SSMEM1: variants seen among roughly 807,000 people sequenced by gnomAD.
SSMEM1 encodes serine rich single-pass membrane protein 1.
A neutral mutation model predicts 9.9 loss-of-function variants in SSMEM1; 12 were observed. That is an observed-to-expected ratio of 1.21 (90% CI 0.78 to 1.96). The LOEUF (loss-of-function observed/expected upper bound fraction) is 1.96, where lower values mean the gene tolerates loss of function less well. Among genes scored for constraint, SSMEM1 ranks in the 30% most tolerant of loss-of-function variants. The pLI is 0.00. For synonymous variants in SSMEM1, 96 were observed against 98.9 expected, an observed-to-expected ratio of 0.97 and a Z score of 0.17; for missense variants, 259 against 292.2, an observed-to-expected ratio of 0.89 and a Z score of 0.83.
At chr7:130,206,967 CAG>C (rs1798492025), upstream of SSMEM1, 1 of 159,252 alleles carries the variant, frequency 6.3e-6, no homozygotes, top group Admixed American at 7.1e-5. Context: ...GTCTGGGCGA[CAG>C]AGTGAGACCC....
At position 130,216,371 on chromosome 7, in the gene SSMEM1, C is replaced by G. The variant is rs200313957; in HGVS notation, c.636C>G (p.His212Gln). The change falls in exon 3 of 3, where the codon CAC becomes CAG. Residue 212 changes from histidine to glutamine, a missense_variant. His to Gln is a conservative substitution (Grantham distance 24, BLOSUM62 0). Transcript: ENST00000297819. ...KALRTNEWLA[H>Q]HSRQKPSVTP... The stretch of plus-strand genomic sequence containing the variant: ...TGAGAACCAACGAATGGTTGGCGCA[C>G]CATTCCCGACAGAAGCCTTCAGTAA... The G allele has an allele frequency of 6.2e-6, 10 of 1,614,094 alleles. No homozygotes were observed. The highest frequency in any genetic ancestry group is 8.5e-6 in the Non-Finnish European group (10 of 1,180,054).
upstream of SSMEM1, among the ~76,000 whole-genome samples, chr7:130,205,832 C>G (rs758691909): frequency 6.7e-6 from 1 of 149,164 alleles, no homozygotes; most frequent in Non-Finnish European, 1.5e-5. Context: ...GTCAAGAGTC[C>G]TGACCCCATG....
Position 130,207,870 on chromosome 7 carries a change from A to G in SSMEM1, c.-41A>G. 1 of 1,604,464 alleles carries G rather than the reference A, an allele frequency of 6.2e-7. No homozygotes were observed. Among genetic ancestry groups the G allele is most frequent in the Non-Finnish European group, 8.5e-7 (1 of 1,172,684 alleles). Reference sequence around the variant, plus strand: ...AGTGAAGTAGTTCCCAGTCATCTTTATCCCTTTAAGCATGGTTTATTTTCT... The same window carrying G: ...AGTGAAGTAGTTCCCAGTCATCTTTGTCCCTTTAAGCATGGTTTATTTTCT... On this transcript the variant is annotated 5_prime_UTR_variant, in exon 1 of 3. Transcript: ENST00000297819.
intron 1 of SSMEM1, 108 bp downstream of exon 1, chr7:130,208,201 A>C: frequency 8.8e-7 from 1 of 1,131,726 alleles, no homozygotes; most frequent in Non-Finnish European, 1.2e-6. Flanking sequence ...AAAGTTGTTT[A>C]GTTTTAAAAA....
Position 130,213,545 on chromosome 7 carries a change from G to A in SSMEM1, c.238+11G>A. Reference sequence around the variant, plus strand: ...CTTCAGTAAGGAAAGGTGAGAACCAGTGCATATTTGGTGTTGGACTATGAG... The same window carrying A: ...CTTCAGTAAGGAAAGGTGAGAACCAATGCATATTTGGTGTTGGACTATGAG... On this transcript the variant is annotated intron_variant, in intron 2 of 2. Transcript: ENST00000297819. 1 of 1,610,464 alleles carries A rather than the reference G, an allele frequency of 6.2e-7. No homozygotes were observed.
At chr7:130,208,339 G>T (rs1451040783) in intron 1 of SSMEM1, among the ~76,000 whole-genome samples, 1 of 152,008 alleles carries the variant, frequency 6.6e-6, no homozygotes, top group East Asian at 1.9e-4. Flanking sequence ...TTCCAGTTTG[G>T]TTTTTTTCTC....
At position 130,215,393 on chromosome 7, in the gene SSMEM1, T is replaced by C. The variant is rs188991343; in HGVS notation, c.239-581T>C. ...TAAAAAACCAGAAGAGCACATAGCATAAACAAATGTAGTAAGATAATTAGG... is the reference window on the plus strand; with the variant it reads ...TAAAAAACCAGAAGAGCACATAGCACAAACAAATGTAGTAAGATAATTAGG... On this transcript the variant is annotated intron_variant, in intron 2 of 2. Transcript: ENST00000297819. Among the ~76,000 whole-genome samples the C allele has an allele frequency of 1.9e-3, 283 of 152,328 alleles. 6 individuals carry two copies. The highest frequency in any genetic ancestry group is 0.017 in the Admixed American group (260 of 15,300).
At chr7:130,214,727 T>C (rs1442909726) in intron 2 of SSMEM1, among the ~76,000 whole-genome samples, 1 of 152,234 alleles carries the variant, frequency 6.6e-6, no homozygotes, top group Non-Finnish European at 1.5e-5. Context: ...GAATGGATAA[T>C]AGTTCTAAAA....
In SSMEM1 at chr7:130,216,394, T is replaced by C; in HGVS notation, c.659T>C (p.Val220Ala). ...LAHHSRQKPS[V>A]TPPMKRDSQE... ...CACCATTCCCGACAGAAGCCTTCAG[T>C]AACACCGCCAATGAAAAGAGACAGT... is the stretch of plus-strand genomic sequence containing the variant. The change falls in exon 3 of 3, where the codon GTA (valine) becomes GCA (alanine). Residue 220 changes from valine (V) to alanine (A), a missense_variant. Coordinates refer to ENST00000297819, the MANE Select transcript of SSMEM1 (RefSeq NM_145268.4). 1 of 1,614,178 alleles carries C rather than the reference T, an allele frequency of 6.2e-7. No individual in the cohort carries two copies. Among genetic ancestry groups the C allele is most frequent in the Non-Finnish European group, 8.5e-7 (1 of 1,180,036 alleles).
Position 130,216,701 on chromosome 7 carries a change from G to C in SSMEM1, c.*231G>C, listed in dbSNP as rs1237237609. On this transcript the variant is annotated 3_prime_UTR_variant, in exon 3 of 3. Coordinates refer to ENST00000297819, the MANE Select transcript of SSMEM1 (RefSeq NM_145268.4). ...AACACCAAAGATCTATATCTGCTATGATTTTTTTATTTGAAATAGCACAAG... is the reference window on the plus strand; with the variant it reads ...AACACCAAAGATCTATATCTGCTATCATTTTTTTATTTGAAATAGCACAAG... The C allele has an allele frequency of 1.9e-6, 1 of 529,612 alleles. No homozygotes were observed. Among genetic ancestry groups the C allele is most frequent in the East Asian group, 3.2e-5 (1 of 31,010 alleles). The allele number at this position is 529,612 out of a possible 1,614,324, so 32.8% of individuals were successfully genotyped here.
Position 130,216,081 on chromosome 7 carries a change from G to A in SSMEM1, c.346G>A (p.Glu116Lys), listed in dbSNP as rs376191555. The change falls in exon 3 of 3, where the codon GAA becomes AAA. Residue 116 changes from glutamate to lysine, a missense_variant. Transcript: ENST00000297819. The part of the protein sequence containing the change: ...QNQLTPVTNS[E>K]VALVNAYPEQ... ...CCAACTTACCCCTGTAACCAACTCA[G>A]AAGTGGCTTTGGTCAATGCCTATCC... The A allele has an allele frequency of 8.1e-6, 13 of 1,614,066 alleles. No homozygotes were observed. Among genetic ancestry groups the A allele is most frequent in the Admixed American group, 1.7e-5 (1 of 60,000 alleles).
rs1043606920 is a variant in SSMEM1 at position 130,216,610 on chromosome 7, G to C, written c.*140G>C. 9.2e-7 allele frequency: 1 copy of C among 1,082,664 alleles called. No homozygotes were observed. Among genetic ancestry groups the C allele is most frequent in the East Asian group, 2.5e-5 (1 of 40,256 alleles). The allele number at this position is 1,082,664 out of a possible 1,614,324, so 67.1% of individuals were successfully genotyped here. On this transcript the variant is annotated 3_prime_UTR_variant, in exon 3 of 3. Transcript: ENST00000297819. The stretch of plus-strand genomic sequence containing the variant: ...ACAAAAACATACTTGGAACCCAAGA[G>C]GTAAAATCTCACACAATTCTTCGTT...
At chr7:130,211,589 A>T (rs1798592874) in intron 1 of SSMEM1, among the ~76,000 whole-genome samples, 1 of 152,232 alleles carries the variant, frequency 6.6e-6, no homozygotes. Flanking sequence ...ATTAAGAATG[A>T]GCTGAGGATC....
chr7:130,205,446 G>C, upstream of SSMEM1: 2 of 1,611,336 alleles, frequency 1.2e-6, no homozygotes, highest in South Asian at 1.1e-5. Flanking sequence ...TCAAGCGGGA[G>C]GCCACCGGCA....
upstream of SSMEM1, among the ~76,000 whole-genome samples, chr7:130,206,318 A>ATGCAGTGCTCCCCAAGGAGGCGCG (rs1218951156): frequency 1.4e-4 from 22 of 152,178 alleles, 1 homozygote; most frequent in East Asian, 7.7e-4. Context: ...AAGGAGGCGC[A>ATGCAGTGCTCCCCAAGGAGGCGCG]TCCAGCCCAG....
Position 130,216,080 on chromosome 7 carries a change from A to G in SSMEM1, c.345A>G (p.Ser115=), listed in dbSNP as rs1798699731. ...KQNQLTPVTN[S]EVALVNAYPE... Reference sequence around the variant, plus strand: ...ACCAACTTACCCCTGTAACCAACTCAGAAGTGGCTTTGGTCAATGCCTATC... The same window carrying G: ...ACCAACTTACCCCTGTAACCAACTCGGAAGTGGCTTTGGTCAATGCCTATC... The change falls in exon 3 of 3, where the codon TCA becomes TCG. Residue 115 remains serine, a synonymous_variant. Coordinates refer to ENST00000297819, the MANE Select transcript of SSMEM1 (RefSeq NM_145268.4). 6.2e-7 allele frequency: 1 copy of G among 1,614,238 alleles called. No individual in the cohort carries two copies.
intron 1 of SSMEM1, among the ~76,000 whole-genome samples, chr7:130,211,504 A>C (rs1300472964): frequency 6.6e-6 from 1 of 152,264 alleles, no homozygotes; most frequent in East Asian, 1.9e-4. Flanking sequence ...AGATTTTTGG[A>C]GAATGATTGC....
chr7:130,205,441 C>A (rs1584706899), upstream of SSMEM1: 4 of 1,611,726 alleles, frequency 2.5e-6, no homozygotes, highest in South Asian at 3.3e-5. Flanking sequence ...CAAGCTCAAG[C>A]GGGAGGCCAC....
At chr7:130,207,478 C>T (rs888458981), upstream of SSMEM1, among the ~76,000 whole-genome samples, 4 of 152,154 alleles carry the variant, frequency 2.6e-5, no homozygotes, top group African/African-American at 9.7e-5. Flanking sequence ...TAGAGTCACA[C>T]TGGAGGTGAG....
Sources: allele counts gnomAD v4.1 joint callset (sites outside exome capture counted in the v4.1 genomes callset), GRCh38; gene constraint gnomAD v4.1.1; transcripts MANE v1.5; gene names NCBI Gene and HGNC (gene_info 2026-07-23, HGNC 2026-07-21).